CYYR1: variants seen among roughly 807,000 people sequenced by gnomAD.
CYYR1 encodes the protein cysteine and tyrosine rich 1, also known as cysteine and tyrosine-rich protein 1.
In CYYR1, 14 loss-of-function variants were observed where a neutral mutation model predicts 15.2. The ratio of observed to expected loss-of-function variants is 0.92; its 90% CI spans 0.61 to 1.44. CYYR1 has a LOEUF of 1.44. CYYR1 is among the 40% of genes most tolerant of loss of function. The pLI is 0.00. For missense variants in CYYR1, 228 were observed against 209.5 expected (o/e 1.09, Z -0.54); for synonymous variants, 80 against 77.4 (o/e 1.03, Z -0.18).
At chr21:26,570,534 C>T (rs1421805045) in intron 1 of CYYR1, among the ~76,000 whole-genome samples, 4 of 152,224 alleles carry the variant, frequency 2.6e-5, no homozygotes, top group African/African-American at 7.2e-5. Context: ...AATATCAACA[C>T]TTCACTGGGT....
At chr21:26,519,183 T>C (rs2065771636) in intron 2 of CYYR1, among the ~76,000 whole-genome samples, 1 of 152,138 alleles carries the variant, frequency 6.6e-6, no homozygotes, top group African/African-American at 2.4e-5. Flanking sequence ...TTGGAATATA[T>C]CATTAAGTAA....
At chr21:26,497,931 GT>G in intron 2 of CYYR1, among the ~76,000 whole-genome samples, 1 of 152,220 alleles carries the variant, frequency 6.6e-6, no homozygotes, top group Non-Finnish European at 1.5e-5. Flanking sequence ...TTGAATTAAA[GT>G]TTGAACTGTA....
intron 3 of CYYR1, among the ~76,000 whole-genome samples, chr21:26,475,005 T>C (rs766165075): frequency 2.0e-5 from 3 of 152,154 alleles, no homozygotes; most frequent in Non-Finnish European, 4.4e-5. Flanking sequence ...CAACCCTTAT[T>C]AAACCCAACA....
intron 2 of CYYR1, among the ~76,000 whole-genome samples, chr21:26,524,951 A>G (rs1359349989): frequency 6.6e-6 from 1 of 152,172 alleles, no homozygotes; most frequent in Non-Finnish European, 1.5e-5. Context: ...CAGAGCATGT[A>G]TTGAAGGGTG....
intron 2 of CYYR1, among the ~76,000 whole-genome samples, chr21:26,540,752 G>A (rs984778297): frequency 7.2e-5 from 11 of 151,780 alleles, no homozygotes; most frequent in African/African-American, 2.7e-4. Context: ...AAATGTCCAG[G>A]GTATAATTCC....
intron 2 of CYYR1, among the ~76,000 whole-genome samples, chr21:26,548,742 T>A (rs1006002643): frequency 2.6e-5 from 4 of 152,202 alleles, no homozygotes; most frequent in African/African-American, 9.6e-5. Context: ...TTTTCTACCC[T>A]AATTTTCTAC....
intron 2 of CYYR1, among the ~76,000 whole-genome samples, chr21:26,492,446 T>G (rs1322087513): frequency 6.6e-6 from 1 of 152,144 alleles, no homozygotes; most frequent in Admixed American, 6.6e-5. Context: ...GGCAGGGGAA[T>G]TGGCAAACAA....
intron 2 of CYYR1, among the ~76,000 whole-genome samples, chr21:26,528,687 T>C (rs2065894795): frequency 6.6e-6 from 1 of 152,196 alleles, no homozygotes; most frequent in Admixed American, 6.5e-5. Context: ...CACAGCAACT[T>C]TGTAAAGCAC....
At chr21:26,543,711 G>A (rs369348240) in intron 2 of CYYR1, among the ~76,000 whole-genome samples, 33 of 152,226 alleles carry the variant, frequency 2.2e-4, no homozygotes, top group African/African-American at 7.7e-4. Flanking sequence ...TTCGAGACCA[G>A]CCTGACCAAC....
chr21:26,507,980 C>G (rs1328075181), intron 2 of CYYR1, among the ~76,000 whole-genome samples: 1 of 152,094 alleles, frequency 6.6e-6, no homozygotes, highest in Non-Finnish European at 1.5e-5. Context: ...GTGGAGATGA[C>G]AGATGTAAGC....
At chr21:26,533,803 G>A (rs184391561) in intron 2 of CYYR1, among the ~76,000 whole-genome samples, 33 of 152,222 alleles carry the variant, frequency 2.2e-4, no homozygotes, top group African/African-American at 3.9e-4. Context: ...CTTGCTGTTC[G>A]TCTGAGAGTG....
At position 26,573,132 on chromosome 21, in the gene CYYR1, C is replaced by A; in HGVS notation, c.-192G>T. ...TCCCGGGCCAGCGACTGCGGGACTC[C>A]GCGGAGCTGGGGCGCCCGTGGCCCG... On this transcript the variant is annotated 5_prime_UTR_variant, in exon 1 of 4. It introduces an in-frame stop codon into an upstream open reading frame of the 5' UTR. Transcript: ENST00000652641. 1.3e-6 allele frequency: 2 copies of A among 1,499,934 alleles called. No individual in the cohort carries two copies. The highest frequency in any genetic ancestry group is 1.8e-6 in the Non-Finnish European group (2 of 1,129,792). The allele number at this position is 1,499,934 out of a possible 1,614,324, so 92.9% of individuals were successfully genotyped here. A position where few individuals can be genotyped will look rare whatever the true frequency, so the allele number is the denominator to read the frequency against.
chr21:26,493,161 A>G (rs1182278285), intron 2 of CYYR1, among the ~76,000 whole-genome samples: 1 of 152,204 alleles, frequency 6.6e-6, no homozygotes, highest in Non-Finnish European at 1.5e-5. Context: ...AATAAAAAAC[A>G]GAGAGGTAAG....
At chr21:26,554,184 C>T (rs1284685044) in intron 2 of CYYR1, among the ~76,000 whole-genome samples, 2 of 152,142 alleles carry the variant, frequency 1.3e-5, no homozygotes, top group Admixed American at 1.3e-4. Flanking sequence ...ATCTATACAG[C>T]ACTAGGATCA....
chr21:26,561,985 T>C (rs993421193), intron 2 of CYYR1, among the ~76,000 whole-genome samples: 1 of 152,186 alleles, frequency 6.6e-6, no homozygotes, highest in Non-Finnish European at 1.5e-5. Flanking sequence ...TTACACTGGA[T>C]CTACTTTCTG....
intron 2 of CYYR1, among the ~76,000 whole-genome samples, chr21:26,562,773 AACACACACACACAGAGACATACACAAAC>A (rs1980310142): frequency 9.3e-6 from 1 of 106,954 alleles, no homozygotes; most frequent in Non-Finnish European, 2.0e-5. Context: ...GACATACACA[AACACACACACACAGAGACATACACAAAC>A]ACACACACAC....
At chr21:26,539,908 G>A (rs1353313242) in intron 2 of CYYR1, among the ~76,000 whole-genome samples, 1 of 152,030 alleles carries the variant, frequency 6.6e-6, no homozygotes, top group East Asian at 1.9e-4. Context: ...AATATGTTTG[G>A]GTTCGCATCT....
intron 1 of CYYR1, among the ~76,000 whole-genome samples, chr21:26,570,891 G>A (rs891778004): frequency 2.0e-5 from 3 of 152,040 alleles, no homozygotes; most frequent in African/African-American, 7.2e-5. Context: ...CCGTCTCGTT[G>A]GGTTCAGGGC....
chr21:26,538,661 A>G (rs1978343277), intron 2 of CYYR1, among the ~76,000 whole-genome samples: 1 of 152,174 alleles, frequency 6.6e-6, no homozygotes, highest in South Asian at 2.1e-4. Context: ...AGACTCAGAA[A>G]AACCCCATTT....
Sources: allele counts gnomAD v4.1 joint callset (sites outside exome capture counted in the v4.1 genomes callset), GRCh38; gene constraint gnomAD v4.1.1; transcripts MANE v1.5; gene names NCBI Gene and HGNC (gene_info 2026-07-23, HGNC 2026-07-21).